Variants in ATP11B observed in about 807,000 individuals in gnomAD.
The protein encoded by ATP11B is ATPase phospholipid transporting 11B (putative), also known as phospholipid-transporting ATPase IF.
In ATP11B, 81 loss-of-function variants were observed where a neutral mutation model predicts 157.8. The ratio of observed to expected loss-of-function variants is 0.51; its 90% CI spans 0.43 to 0.62. ATP11B has a LOEUF of 0.62. Ranked by LOEUF, ATP11B falls within the 20% of genes least tolerant of loss-of-function variation. The probability of loss-of-function intolerance (pLI) is 0.00; values close to 1 mark genes in which losing one functional copy is unlikely to be tolerated. For missense variants in ATP11B, 1,165 were observed against 1,402.2 expected (o/e 0.83, Z 2.70); for synonymous variants, 451 against 469.4 (o/e 0.96, Z 0.51).
At chr3:182,917,391 A>G in intron 29 of ATP11B, 1 of 985,352 alleles carries the variant, frequency 1.0e-6, no homozygotes, top group Non-Finnish European at 1.2e-6. Flanking sequence ...GCTGCACATA[A>G]AGTATTATGT....
At chr3:182,917,121 T>C in intron 29 of ATP11B, 1 of 985,340 alleles carries the variant, frequency 1.0e-6, no homozygotes, top group Non-Finnish European at 1.2e-6. Flanking sequence ...AGAGAAAATA[T>C]TTGACAAAGG....
At chr3:182,798,149 C>T (rs1427135353) in intron 1 of ATP11B, among the ~76,000 whole-genome samples, 1 of 152,134 alleles carries the variant, frequency 6.6e-6, no homozygotes, top group East Asian at 1.9e-4. Context: ...GAATAGTGAG[C>T]TCCTGTTTTT....
At chr3:182,873,682 T>C (rs1721827987) in intron 18 of ATP11B, 130 bp from the exon 19 acceptor site, 1 of 715,722 alleles carries the variant, frequency 1.4e-6, no homozygotes. Flanking sequence ...GTTATATTGC[T>C]ATATTGTATA....
intron 11 of ATP11B, 117 bp from the exon 12 acceptor site, chr3:182,859,045 C>G (rs1272276634): frequency 1.6e-6 from 1 of 609,990 alleles, no homozygotes. Context: ...ACTATTCTAC[C>G]TCAGAATATA....
chr3:182,833,400 A>G (rs1285838312), intron 4 of ATP11B, among the ~76,000 whole-genome samples: 1 of 152,164 alleles, frequency 6.6e-6, no homozygotes, highest in Non-Finnish European at 1.5e-5. Flanking sequence ...ATCAGAGTTC[A>G]TTGCAGCCTT....
chr3:182,796,696 G>T (rs894466306), intron 1 of ATP11B, among the ~76,000 whole-genome samples: 1 of 152,158 alleles, frequency 6.6e-6, no homozygotes, highest in Non-Finnish European at 1.5e-5. Flanking sequence ...ACAAATGTTG[G>T]TCAGGGTCAC....
intron 8 of ATP11B, among the ~76,000 whole-genome samples, 162 bp downstream of exon 8, chr3:182,842,284 A>G (rs932541798): frequency 6.6e-5 from 10 of 152,142 alleles, no homozygotes; most frequent in East Asian, 1.9e-4. Context: ...TTAGTGGTTT[A>G]TTATATCACT....
rs574953211 is a variant in ATP11B at position 182,796,956 on chromosome 3, G to A, written c.27+3170G>A. ...GATTGTATTGGCGATGGTGGTAGGA[G>A]GCTGCTAAGATTGTCTTCTGATTAA... On this transcript the variant is annotated intron_variant, in intron 1 of 29. Coordinates refer to ENST00000323116, the MANE Select transcript of ATP11B (RefSeq NM_014616.3). Among the ~76,000 whole-genome samples, 7 of 152,276 alleles carry A rather than the reference G, an allele frequency of 4.6e-5. No individual in the cohort carries two copies. In the East Asian group the frequency reaches 9.6e-4, roughly 21 times the overall value.
chr3:182,897,235 T>G, intron 26 of ATP11B, 68 bp from the exon 27 acceptor site: 1 of 856,382 alleles, frequency 1.2e-6, no homozygotes, highest in East Asian at 2.7e-5. Context: ...ATTCTTGAGT[T>G]TCATCTGAAA....
chr3:182,905,193 A>G (rs1019211737), intron 28 of ATP11B, among the ~76,000 whole-genome samples: 1 of 152,216 alleles, frequency 6.6e-6, no homozygotes, highest in Non-Finnish European at 1.5e-5. Context: ...ACATTGTCTT[A>G]TAATAAGATT....
intron 29 of ATP11B, chr3:182,917,603 A>G: frequency 1.0e-6 from 1 of 985,364 alleles, no homozygotes; most frequent in South Asian, 4.7e-5. Flanking sequence ...ATGATCAATA[A>G]TAGGAACATA....
Position 182,866,593 on chromosome 3 carries a change from A to T in ATP11B, c.1619+150A>T, listed in dbSNP as rs956817700. The T allele has an allele frequency of 1.8e-5, 12 of 669,136 alleles. No homozygotes were observed. The Admixed American group carries it at 3.7e-4, about 20-fold the overall frequency. The allele number at this position is 669,136 out of a possible 1,614,324, so 41.4% of individuals were successfully genotyped here. A position where few individuals can be genotyped will look rare whatever the true frequency, so the allele number is the denominator to read the frequency against. ...ATACATAAAAATAGAAGTACAATTT[A>T]AATTTTAAATGACAATTTGAAGTCA... is the stretch of plus-strand genomic sequence containing the variant. On this transcript the variant is annotated intron_variant, in intron 14 of 29. Coordinates refer to ENST00000323116, the MANE Select transcript of ATP11B (RefSeq NM_014616.3).
chr3:182,829,228 T>C (rs1482440878), intron 3 of ATP11B, among the ~76,000 whole-genome samples: 2 of 152,212 alleles, frequency 1.3e-5, no homozygotes, highest in Non-Finnish European at 2.9e-5. Context: ...GAACATCATT[T>C]TCCTAGTTAT....
At chr3:182,881,323 A>G (rs1560109813) in intron 21 of ATP11B, among the ~76,000 whole-genome samples, 1 of 152,014 alleles carries the variant, frequency 6.6e-6, no homozygotes, top group African/African-American at 2.4e-5. Context: ...AATCCCAGCT[A>G]CTCAGGAGGC....
At position 182,873,913 on chromosome 3, in the gene ATP11B, G is replaced by T; in HGVS notation, c.2150G>T (p.Ser717Ile). 5 of 1,614,130 alleles carry T rather than the reference G, an allele frequency of 3.1e-6. No homozygotes were observed. The highest frequency in any genetic ancestry group is 4.2e-6 in the Non-Finnish European group (5 of 1,179,998). The change falls in exon 19 of 30, where the codon AGT becomes ATT. Residue 717 changes from serine to isoleucine, a missense_variant. Transcript: ENST00000323116. The part of the protein sequence containing the change: ...GDKHETAVSV[S>I]LSCGHFHRTM... The stretch of plus-strand genomic sequence containing the variant: ...AAACATGAAACAGCTGTTAGTGTGA[G>T]TTTATCATGTGGCCATTTTCATAGA...
At chr3:182,800,285 G>T (rs1715909490) in intron 1 of ATP11B, among the ~76,000 whole-genome samples, 1 of 151,192 alleles carries the variant, frequency 6.6e-6, no homozygotes, top group African/African-American at 2.4e-5. Context: ...GCAGTGATGT[G>T]ATCACAGCTC....
At chr3:182,839,558 A>T (rs1260731107) in intron 7 of ATP11B, among the ~76,000 whole-genome samples, 3 of 150,876 alleles carry the variant, frequency 2.0e-5, no homozygotes, top group South Asian at 2.1e-4. Context: ...TCGTGGTAGG[A>T]TTTCTACTGA....
intron 14 of ATP11B, among the ~76,000 whole-genome samples, chr3:182,866,655 A>G (rs1226622759): frequency 2.1e-5 from 3 of 144,964 alleles, no homozygotes; most frequent in Admixed American, 2.0e-4. Context: ...TTTTTTTAAG[A>G]TCTCTTTGAA....
At chr3:182,857,129 CT>C (rs1720462929) in intron 10 of ATP11B, among the ~76,000 whole-genome samples, 1 of 152,060 alleles carries the variant, frequency 6.6e-6, no homozygotes, top group African/African-American at 2.4e-5. Context: ...ATAATTTCCC[CT>C]TTACAGGGTT....
Sources: gnomAD v4.1 joint callset for allele counts (sites outside exome capture counted in the v4.1 genomes callset) on GRCh38, gnomAD v4.1.1 for gene constraint, MANE v1.5 for transcripts, NCBI Gene and HGNC (gene_info 2026-07-23, HGNC 2026-07-21) for gene names.